Variants in ITGA4 observed in about 807,000 individuals in gnomAD.
ITGA4 encodes integrin subunit alpha 4.
In ITGA4, 63 loss-of-function variants were observed where a neutral mutation model predicts 133.6. The ratio of observed to expected loss-of-function variants is 0.47; its 90% CI spans 0.38 to 0.58. The LOEUF (loss-of-function observed/expected upper bound fraction) is 0.58. Among genes scored for constraint, ITGA4 ranks in the 20% least tolerant of loss-of-function variants. The pLI is 0.00. For missense variants in ITGA4, 1,076 were observed against 1,252.7 expected (o/e 0.86, Z 2.13); for synonymous variants, 483 against 438.0 (o/e 1.10, Z -1.28).
At chr2:181,504,667 G>A (rs1574401378) in intron 15 of ITGA4, among the ~76,000 whole-genome samples, 1 of 151,962 alleles carries the variant, frequency 6.6e-6, no homozygotes, top group East Asian at 1.9e-4. Flanking sequence ...GATCTTTGAG[G>A]CAGGATATTA....
intron 2 of ITGA4, among the ~76,000 whole-genome samples, chr2:181,462,205 C>T (rs1323752297): frequency 6.6e-6 from 1 of 152,094 alleles, no homozygotes; most frequent in Non-Finnish European, 1.5e-5. Context: ...AGAACTTTCA[C>T]TTTCTTTTCT....
intron 7 of ITGA4, 138 bp from the exon 8 acceptor site, chr2:181,482,222 A>G: frequency 1.2e-6 from 1 of 842,460 alleles, no homozygotes; most frequent in Non-Finnish European, 1.7e-6. Flanking sequence ...CTTTTGTGTC[A>G]CTCTCAACAG....
In ITGA4 at chr2:181,495,897, T is replaced by A. The variant is rs1490776668; in HGVS notation, c.1500T>A (p.Leu500=). 1 of 1,614,048 alleles carries A rather than the reference T, an allele frequency of 6.2e-7. No homozygotes were observed. The highest frequency in any genetic ancestry group is 1.7e-5 in the Admixed American group (1 of 60,020). The change falls in exon 14 of 28, where the codon CTT becomes CTA. Residue 500 remains leucine, a synonymous_variant. Coordinates refer to ENST00000397033, the MANE Select transcript of ITGA4 (RefSeq NM_000885.6). The surrounding 1 kb of genome is among the most constrained non-coding windows in gnomAD (Gnocchi z 4.3). Reference sequence around the variant, plus strand: ...CTTCTGTGTGCATAGATCTAACACTTTGTTTCTCATATAAGGGCAAGGAAG... The same window carrying A: ...CTTCTGTGTGCATAGATCTAACACTATGTTTCTCATATAAGGGCAAGGAAG... The part of the protein sequence containing the change: ...GWPSVCIDLT[L]CFSYKGKEVP...
intron 17 of ITGA4, among the ~76,000 whole-genome samples, chr2:181,514,996 T>C (rs12469449): frequency 0.26 from 39,528 of 151,958 alleles, 5,663 homozygotes; most frequent in Non-Finnish European, 0.32. Flanking sequence ...TCTTAAGGTG[T>C]TGTCTCTGAG....
chr2:181,532,067 G>T (rs1172958536), intron 25 of ITGA4, among the ~76,000 whole-genome samples: 1 of 152,170 alleles, frequency 6.6e-6, no homozygotes, highest in African/African-American at 2.4e-5. Context: ...TTGAGGCCAG[G>T]AGTTCGAGAC....
chr2:181,505,301 T>C (rs1180460062), intron 15 of ITGA4, among the ~76,000 whole-genome samples: 1 of 152,064 alleles, frequency 6.6e-6, no homozygotes, highest in Non-Finnish European at 1.5e-5. Context: ...TATTTAGTGA[T>C]ATCTTATAAA....
intron 10 of ITGA4, among the ~76,000 whole-genome samples, chr2:181,491,755 TCTCCTC>T (rs1265250635): frequency 2.0e-5 from 3 of 152,080 alleles, no homozygotes; most frequent in South Asian, 2.1e-4. Context: ...ACATCCCTCT[TCTCCTC>T]CTCCTCCTCT....
At chr2:181,457,950 A>T in intron 1 of ITGA4, 99 bp downstream of exon 1, 2 of 1,204,784 alleles carry the variant, frequency 1.7e-6, no homozygotes, top group Non-Finnish European at 2.3e-6. Context: ...CTCCCTCCCA[A>T]GGAGGCAGGA....
At chr2:181,494,843 T>G (rs771080230) in intron 12 of ITGA4, 31 bp downstream of exon 12, 1 of 1,141,948 alleles carries the variant, frequency 8.8e-7, no homozygotes, top group Admixed American at 1.7e-5. Flanking sequence ...AATTTATAAA[T>G]TGGAATAAGC....
rs112842467 is a variant in ITGA4 at position 181,466,331 on chromosome 2, G to T, written c.319+8014G>T. Among the ~76,000 whole-genome samples the T allele has an allele frequency of 2.9e-3, 439 of 152,048 alleles. 1 individual carries two copies. The highest frequency in any genetic ancestry group is 4.1e-3 in the Non-Finnish European group (278 of 67,936). ...TAGCTGAAATAACTGGCTTTTTCAG[G>T]ACTACAATTATATAAACTGTTTCTC... On this transcript the variant is annotated intron_variant, in intron 2 of 27. Transcript: ENST00000397033.
intron 4 of ITGA4, chr2:181,476,033 G>A: frequency 3.6e-6 from 3 of 831,964 alleles, no homozygotes; most frequent in Non-Finnish European, 5.1e-6. Flanking sequence ...TTATTGGTTG[G>A]CAAAACTTTG....
At chr2:181,460,589 G>A (rs2105709575) in intron 2 of ITGA4, among the ~76,000 whole-genome samples, 1 of 151,860 alleles carries the variant, frequency 6.6e-6, no homozygotes, top group East Asian at 1.9e-4. Flanking sequence ...GTGTGTGTGT[G>A]TGTGTGTGTG....
In ITGA4 at chr2:181,538,328, C is replaced by A; in HGVS notation, c.*2801C>A. ...TAAGTATGGTACACAATGCCAATGC[C>A]AAATACAAATTGATAACAAACACAG... On this transcript the variant is annotated 3_prime_UTR_variant, in exon 28 of 28. Coordinates refer to ENST00000397033, the MANE Select transcript of ITGA4 (RefSeq NM_000885.6). 1 of 759,450 alleles carries A rather than the reference C, an allele frequency of 1.3e-6. No individual in the cohort carries two copies. 47.0% of individuals were successfully genotyped at this position (759,450 alleles called of 1,614,324 possible). A position where few individuals can be genotyped will look rare whatever the true frequency, so the allele number is the denominator to read the frequency against.
chr2:181,507,469 C>A (rs1480075438), intron 15 of ITGA4, among the ~76,000 whole-genome samples: 1 of 151,140 alleles, frequency 6.6e-6, no homozygotes, highest in Non-Finnish European at 1.5e-5. Flanking sequence ...ACATTTCTGT[C>A]TGCGTAGTGC....
At chr2:181,498,545 T>G in intron 14 of ITGA4, 78 bp from the exon 15 acceptor site, 1 of 866,726 alleles carries the variant, frequency 1.2e-6, no homozygotes, top group Non-Finnish European at 1.7e-6. Flanking sequence ...CCATATAACT[T>G]TAACTATTAT....
At position 181,538,657 on chromosome 2, in the gene ITGA4, T is replaced by C. The variant is rs1687330476; in HGVS notation, c.*3130T>C. ...GGAAGTTGAATGCTCTGTAAAGGCC[T>C]AATAAAAGCAAATTACTGAACAAAA... On this transcript the variant is annotated 3_prime_UTR_variant, in exon 28 of 28. Transcript: ENST00000397033. Among the ~76,000 whole-genome samples, 1 of 152,116 alleles carries C rather than the reference T, an allele frequency of 6.6e-6. No individual in the cohort carries two copies. The highest frequency in any genetic ancestry group is 1.5e-5 in the Non-Finnish European group (1 of 67,998).
At position 181,457,435 on chromosome 2, in the gene ITGA4, T is replaced by A. The variant is rs1574368954; in HGVS notation, c.-220T>A. 4 of 479,312 alleles carry A rather than the reference T, an allele frequency of 8.3e-6. No homozygotes were observed. The South Asian group carries it at 1.1e-4, about 14-fold the overall frequency. The allele number at this position is 479,312 out of a possible 1,614,324, so 29.7% of individuals were successfully genotyped here. A position where few individuals can be genotyped will look rare whatever the true frequency, so the allele number is the denominator to read the frequency against. On this transcript the variant is annotated 5_prime_UTR_variant, in exon 1 of 28. Transcript: ENST00000397033. ...CCCGGCTGGCGGCAGAAACCGGGAGTGGGGCCGGGCGAGTGCGCGGCATCC... is the reference window on the plus strand; with the variant it reads ...CCCGGCTGGCGGCAGAAACCGGGAGAGGGGCCGGGCGAGTGCGCGGCATCC...
intron 22 of ITGA4, 128 bp downstream of exon 22, chr2:181,527,515 G>A: frequency 1.6e-6 from 1 of 631,184 alleles, no homozygotes; most frequent in Non-Finnish European, 2.9e-6. Flanking sequence ...CTGGAATGGG[G>A]CAGCAGCAGT....
chr2:181,472,270 A>G (rs760040274), intron 2 of ITGA4, among the ~76,000 whole-genome samples: 8 of 152,202 alleles, frequency 5.3e-5, no homozygotes, highest in Non-Finnish European at 1.0e-4. Context: ...ACAATACACT[A>G]TTTTTGCACA....
Sources: allele counts gnomAD v4.1 joint callset (sites outside exome capture counted in the v4.1 genomes callset), GRCh38; gene constraint gnomAD v4.1.1; non-coding constraint Gnocchi (gnomAD v3.1); transcripts MANE v1.5; gene names NCBI Gene and HGNC (gene_info 2026-07-23, HGNC 2026-07-21).